Variants in KIAA0319 observed in about 807,000 individuals in gnomAD.
KIAA0319 encodes the protein dyslexia-associated protein KIAA0319.
Under a neutral mutation model 108.4 loss-of-function variants are expected in KIAA0319, and 83 were observed. That is an observed-to-expected ratio of 0.77 (90% CI 0.64 to 0.92). The LOEUF (loss-of-function observed/expected upper bound fraction) is 0.92, where lower values mean the gene tolerates loss of function less well. Among genes scored for constraint, KIAA0319 ranks in the 40% least tolerant of loss-of-function variants. The probability of loss-of-function intolerance (pLI) is 0.00; values close to 1 mark genes in which losing one functional copy is unlikely to be tolerated. For missense variants in KIAA0319, 1,195 were observed against 1,322.4 expected (o/e 0.90, Z 1.49); for synonymous variants, 484 against 510.4 (o/e 0.95, Z 0.70).
At chr6:24,602,997 T>C (rs902295872) in intron 1 of KIAA0319, among the ~76,000 whole-genome samples, 1 of 152,188 alleles carries the variant, frequency 6.6e-6, no homozygotes, top group Non-Finnish European at 1.5e-5. Context: ...TGATTTATGA[T>C]AAAAATTTGT....
At chr6:24,554,848 G>A (rs1425356787) in intron 18 of KIAA0319, among the ~76,000 whole-genome samples, 1 of 152,158 alleles carries the variant, frequency 6.6e-6, no homozygotes. Flanking sequence ...TTGGGTTTCA[G>A]GGCCTCACGG....
intron 1 of KIAA0319, among the ~76,000 whole-genome samples, chr6:24,624,428 C>T (rs570417518): frequency 3.3e-5 from 5 of 151,756 alleles, no homozygotes; most frequent in Non-Finnish European, 7.4e-5. Context: ...AATATTATCA[C>T]CTGCATACAA....
At chr6:24,619,971 C>A (rs1319243559) in intron 1 of KIAA0319, among the ~76,000 whole-genome samples, 1 of 152,178 alleles carries the variant, frequency 6.6e-6, no homozygotes, top group African/African-American at 2.4e-5. Flanking sequence ...GGATCCCATT[C>A]GCTGTTCATT....
At chr6:24,632,521 C>T (rs572813771) in intron 1 of KIAA0319, among the ~76,000 whole-genome samples, 1 of 152,318 alleles carries the variant, frequency 6.6e-6, no homozygotes, top group African/African-American at 2.4e-5. Context: ...ATAAATCATT[C>T]ATGAGGCACA....
At chr6:24,555,431 A>G (rs1762136648) in intron 18 of KIAA0319, among the ~76,000 whole-genome samples, 1 of 136,468 alleles carries the variant, frequency 7.3e-6, no homozygotes, top group Admixed American at 8.4e-5. Flanking sequence ...CAGGAGGCAG[A>G]GGTTGCAGTG....
At chr6:24,580,002 C>A in intron 7 of KIAA0319, 52 bp from the exon 8 acceptor site, 1 of 1,309,784 alleles carries the variant, frequency 7.6e-7, no homozygotes, top group South Asian at 1.3e-5. Flanking sequence ...AGGCATATGT[C>A]ATTACCCACA....
rs1368426383 is a variant in KIAA0319 at position 24,642,755 on chromosome 6, G to A, written c.-106+2981C>T. Among the ~76,000 whole-genome samples, 3 of 149,682 alleles carry A rather than the reference G, an allele frequency of 2.0e-5. No homozygotes were observed. In the East Asian group the frequency reaches 5.9e-4, roughly 29 times the overall value. ...TTTTTTTGAATTAGAGTCTTGCTCT[G>A]TGGCCCAGGCTGGAGTGCAGTGAGG... On this transcript the variant is annotated intron_variant, in intron 1 of 20. Transcript: ENST00000378214.
At chr6:24,623,191 T>C (rs565308031) in intron 1 of KIAA0319, among the ~76,000 whole-genome samples, 2 of 152,138 alleles carry the variant, frequency 1.3e-5, no homozygotes, top group Admixed American at 6.5e-5. Flanking sequence ...GAAAGGTAGA[T>C]GTGAGGACAT....
intron 10 of KIAA0319, 35 bp downstream of exon 10, chr6:24,576,333 C>T (rs771568729): frequency 1.3e-6 from 2 of 1,551,300 alleles, no homozygotes; most frequent in African/African-American, 2.7e-5. Context: ...GACAGACAGA[C>T]AGACAAAAGT....
intron 11 of KIAA0319, among the ~76,000 whole-genome samples, chr6:24,570,704 G>C (rs555447853): frequency 6.7e-6 from 1 of 148,804 alleles, no homozygotes; most frequent in South Asian, 2.3e-4. Context: ...GAGGAAGAGA[G>C]AGAGGGAGGG....
intron 1 of KIAA0319, among the ~76,000 whole-genome samples, chr6:24,644,889 C>G (rs540856900): frequency 2.0e-5 from 3 of 152,240 alleles, no homozygotes; most frequent in Middle Eastern, 6.8e-3. Context: ...ACTCCTACGT[C>G]TATAACTGAA....
At chr6:24,611,423 C>T (rs547564300) in intron 1 of KIAA0319, among the ~76,000 whole-genome samples, 3 of 152,108 alleles carry the variant, frequency 2.0e-5, no homozygotes, top group East Asian at 3.9e-4. Flanking sequence ...CGCCTGAATC[C>T]GGGAGGTGGA....
chr6:24,588,668 G>C lies in KIAA0319; in HGVS notation c.919C>G (p.Pro307Ala), dbSNP rs1767938615. 1.9e-6 allele frequency: 3 copies of C among 1,613,990 alleles called. No individual in the cohort carries two copies. Among genetic ancestry groups the C allele is most frequent in the Non-Finnish European group, 2.5e-6 (3 of 1,179,926 alleles). Reference protein sequence around the residue: ...PGSTEHSIPTPPTSAAPSEST... With the variant: ...PGSTEHSIPTAPTSAAPSEST... ...TCAGAGGGGGCTGCGCTAGTGGGAG[G>C]TGTTGGGATGCTGTGCTCTGTACTC... Residue 307 changes from proline (P) to alanine (A), a missense_variant, in exon 4 of 21, where the codon CCT becomes GCT. Coordinates refer to ENST00000378214, the MANE Select transcript of KIAA0319 (RefSeq NM_014809.4).
Position 24,576,491 on chromosome 6 carries a change from G to A in KIAA0319, c.1611C>T (p.His537=), listed in dbSNP as rs377227667. 5.6e-6 allele frequency: 9 copies of A among 1,614,036 alleles called. No homozygotes were observed. The African/African-American group carries it at 1.1e-4, about 19-fold the overall frequency. The change falls in exon 10 of 21, where the codon CAC becomes CAT. Residue 537 remains histidine (H), a synonymous_variant. Transcript: ENST00000378214. ...YPPVANAGPN[H]TITLPQNSIT... ...TGGAGTTTTGGGGCAAAGTTATGGT[G>A]TGATTTGGTCCTGCATTAGCAACTG...
intron 1 of KIAA0319, among the ~76,000 whole-genome samples, chr6:24,617,669 C>T (rs1434156168): frequency 9.2e-5 from 14 of 152,086 alleles, no homozygotes. Flanking sequence ...GCAAAAATGC[C>T]TCATAAAGCC....
intron 18 of KIAA0319, among the ~76,000 whole-genome samples, chr6:24,555,838 G>T (rs1762213977): frequency 6.6e-6 from 1 of 152,170 alleles, no homozygotes; most frequent in Non-Finnish European, 1.5e-5. Context: ...CATACCAGGG[G>T]CCACTTCACC....
chr6:24,630,610 T>TAAAC (rs10658017), intron 1 of KIAA0319, among the ~76,000 whole-genome samples: 110,258 of 147,388 alleles, frequency 0.75, 42,712 homozygotes, highest in African/African-American at 0.94. Context: ...AAAAAAATTA[T>TAAAC]AAATCGTGCC....
At chr6:24,551,090 TG>T (rs961864891) in intron 20 of KIAA0319, among the ~76,000 whole-genome samples, 16 of 151,946 alleles carry the variant, frequency 1.1e-4, no homozygotes, top group African/African-American at 3.4e-4. Context: ...GCTATTCTTC[TG>T]CCTCAGCCTC....
Position 24,599,217 on chromosome 6 carries a change from C to T in KIAA0319, c.55+1832G>A, listed in dbSNP as rs1021523214. On this transcript the variant is annotated intron_variant, in intron 2 of 20. Transcript: ENST00000378214. This position sits in a 1 kb window ranked among gnomAD's most constrained non-coding sequence, Gnocchi z 4.1. ...CCTGTACCAGGTCAAGTATGAGGAG[C>T]TGCAGGCACTGGCTGGGAAGCACAG... is the stretch of plus-strand genomic sequence containing the variant. 1.4e-5 allele frequency: 7 copies of T among 515,064 alleles called. No homozygotes were observed. Among genetic ancestry groups the T allele is most frequent in the African/African-American group, 5.8e-5 (3 of 51,836 alleles). 31.9% of individuals were successfully genotyped at this position (515,064 alleles called of 1,614,324 possible).
Sources: allele counts gnomAD v4.1 joint callset (sites outside exome capture counted in the v4.1 genomes callset), GRCh38; gene constraint gnomAD v4.1.1; non-coding constraint Gnocchi (gnomAD v3.1); transcripts MANE v1.5; gene names NCBI Gene and HGNC (gene_info 2026-07-23, HGNC 2026-07-21).